The following GOLGA4 variants were observed in gnomAD, a reference collection of about 807,000 sequenced individuals.
The protein encoded by GOLGA4 is golgin A4.
A neutral mutation model predicts 265.9 loss-of-function variants in GOLGA4; 169 were observed. The observed-to-expected ratio is 0.64, with a 90% confidence interval of 0.56 to 0.72. The LOEUF is 0.72. GOLGA4 is among the 30% of genes least tolerant of loss of function. The pLI is 0.00. For missense variants in GOLGA4, 2,482 were observed against 2,483.4 expected, an observed-to-expected ratio of 1.00 and a Z score of 0.01; for synonymous variants, 923 against 855.8, an observed-to-expected ratio of 1.08 and a Z score of -1.37.
At chr3:37,358,379 T>G (rs2097095900) in intron 22 of GOLGA4, among the ~76,000 whole-genome samples, 1 of 152,200 alleles carries the variant, frequency 6.6e-6, no homozygotes, top group African/African-American at 2.4e-5. Context: ...ATACAAGTTA[T>G]TACTGTTTTC....
Position 37,335,093 on chromosome 3 carries a change from A to C in GOLGA4, c.6233A>C (p.Gln2078Pro). 1 of 1,609,704 alleles carries C rather than the reference A, an allele frequency of 6.2e-7. No individual in the cohort carries two copies. Among genetic ancestry groups the C allele is most frequent in the Non-Finnish European group, 8.5e-7 (1 of 1,177,158 alleles). The change falls in exon 17 of 24, where the codon CAG (glutamine) becomes CCG (proline). Residue 2078 changes from glutamine (Q) to proline (P), a missense_variant. Transcript: ENST00000361924. ...EEMTAKVRDL[Q>P]TQLEELQKKY... is the part of the protein sequence containing the mutation. The stretch of plus-strand genomic sequence containing the variant: ...ATGACTGCAAAAGTAAGGGACCTGC[A>C]GACTCAACTTGAGGAGCTGCAGAAG...
intron 20 of GOLGA4, among the ~76,000 whole-genome samples, chr3:37,341,411 A>G (rs2097033619): frequency 6.6e-6 from 1 of 152,176 alleles, no homozygotes. Flanking sequence ...ACCATTTGGC[A>G]TTCTCTTCTT....
At chr3:37,270,573 G>A (rs1216723789) in intron 2 of GOLGA4, among the ~76,000 whole-genome samples, 3 of 152,112 alleles carry the variant, frequency 2.0e-5, no homozygotes, top group Non-Finnish European at 4.4e-5. Flanking sequence ...ACTTAAAACA[G>A]AATATGGACT....
intron 5 of GOLGA4, among the ~76,000 whole-genome samples, chr3:37,292,250 T>C (rs972625208): frequency 5.3e-5 from 8 of 152,210 alleles, no homozygotes; most frequent in Non-Finnish European, 8.8e-5. Flanking sequence ...GGAAATTATT[T>C]GGAAGAAATG....
intron 2 of GOLGA4, among the ~76,000 whole-genome samples, chr3:37,260,296 C>A (rs779871020): frequency 6.6e-6 from 1 of 152,000 alleles, no homozygotes; most frequent in Non-Finnish European, 1.5e-5. Flanking sequence ...GTTCTACTAA[C>A]AGTTGTACTT....
At position 37,324,807 on chromosome 3, in the gene GOLGA4, T is replaced by C; in HGVS notation, c.2921T>C (p.Leu974Ser). 1 of 1,585,190 alleles carries C rather than the reference T, an allele frequency of 6.3e-7. No individual in the cohort carries two copies. Among genetic ancestry groups the C allele is most frequent in the Non-Finnish European group, 8.5e-7 (1 of 1,173,034 alleles). Reference protein sequence around the residue: ...KEMQETLKKKLLDQEAKLKKE... With the variant: ...KEMQETLKKKSLDQEAKLKKE... ...ATGCAAGAAACGTTAAAGAAAAAAT[T>C]ACTGGATCAGGAAGCCAAACTTAAG... is the stretch of plus-strand genomic sequence containing the variant. Residue 974 changes from leucine (L) to serine (S), a missense_variant, in exon 14 of 24, where the codon TTA becomes TCA. By Grantham distance (145) the Leu-to-Ser change is moderately radical. This residue lies in a region of GOLGA4 where 1,536 missense variants were observed against 1,483.7 expected (regional missense o/e 1.04). Coordinates refer to ENST00000361924, the MANE Select transcript of GOLGA4 (RefSeq NM_002078.5).
At chr3:37,355,545 G>A (rs886646803) in intron 22 of GOLGA4, among the ~76,000 whole-genome samples, 1 of 152,020 alleles carries the variant, frequency 6.6e-6, no homozygotes, top group South Asian at 2.1e-4. Flanking sequence ...CATGTTAGAT[G>A]ATTTATATAT....
At chr3:37,311,057 A>C (rs1403119448) in intron 10 of GOLGA4, among the ~76,000 whole-genome samples, 1 of 152,116 alleles carries the variant, frequency 6.6e-6, no homozygotes, top group Non-Finnish European at 1.5e-5. Context: ...CACTTTTAGA[A>C]TATTAGTAGG....
At chr3:37,289,425 CAGGGGTCAGTTCTTGA>C (rs2096859173) in intron 5 of GOLGA4, 134 bp downstream of exon 5, 2 of 550,462 alleles carry the variant, frequency 3.6e-6, no homozygotes, top group Non-Finnish European at 6.5e-6. Flanking sequence ...CCTACAAGAC[CAGGGGTCAGTTCTTGA>C]AGTTTTTATT....
chr3:37,260,455 A>G (rs2096766510), intron 2 of GOLGA4, among the ~76,000 whole-genome samples: 1 of 151,562 alleles, frequency 6.6e-6, no homozygotes. Context: ...AACCCACCCC[A>G]CCCCCGCTGT....
intron 5 of GOLGA4, among the ~76,000 whole-genome samples, chr3:37,291,790 C>G (rs2096865320): frequency 6.6e-6 from 1 of 152,110 alleles, no homozygotes; most frequent in African/African-American, 2.4e-5. Context: ...ATTTAACTTT[C>G]CTGCCTAAAT....
chr3:37,279,525 G>T (rs912194943), intron 2 of GOLGA4, among the ~76,000 whole-genome samples: 1 of 152,188 alleles, frequency 6.6e-6, no homozygotes, highest in Admixed American at 6.5e-5. Context: ...GATGCTCCAC[G>T]TGGGGCCAAG....
chr3:37,282,334 A>G, intron 3 of GOLGA4, 62 bp downstream of exon 3: 1 of 1,188,930 alleles, frequency 8.4e-7, no homozygotes. Context: ...CATTCATATT[A>G]CTGTATTGCT....
intron 20 of GOLGA4, among the ~76,000 whole-genome samples, chr3:37,345,529 C>T (rs893511336): frequency 6.6e-6 from 1 of 152,294 alleles, no homozygotes; most frequent in Non-Finnish European, 1.5e-5. Context: ...AACGAGTAGA[C>T]AATTTGGAAA....
At chr3:37,247,891 C>G (rs534855422) in intron 1 of GOLGA4, among the ~76,000 whole-genome samples, 127 of 152,290 alleles carry the variant, frequency 8.3e-4, no homozygotes, top group Middle Eastern at 3.4e-3. Flanking sequence ...TCTTTCAGGA[C>G]AGCAGAAGTA....
chr3:37,366,200 A>T lies in GOLGA4; in HGVS notation c.*154A>T. ...CATTCAGGGCCCCTCATGTAGCCAAAAGACCAAGAAAAATCTGGCCCACAG... is the reference window on the plus strand; with the variant it reads ...CATTCAGGGCCCCTCATGTAGCCAATAGACCAAGAAAAATCTGGCCCACAG... On this transcript the variant is annotated 3_prime_UTR_variant, in exon 24 of 24. Coordinates refer to ENST00000361924, the MANE Select transcript of GOLGA4 (RefSeq NM_002078.5). 8 of 926,286 alleles carry T rather than the reference A, an allele frequency of 8.6e-6. No individual in the cohort carries two copies. The highest frequency in any genetic ancestry group is 1.2e-5 in the Non-Finnish European group (8 of 648,618). The allele number at this position is 926,286 out of a possible 1,614,324, so 57.4% of individuals were successfully genotyped here.
chr3:37,343,449 T>G (rs930947469), intron 20 of GOLGA4, among the ~76,000 whole-genome samples: 1 of 150,792 alleles, frequency 6.6e-6, no homozygotes, highest in Non-Finnish European at 1.5e-5. Context: ...ACTCCTGAAC[T>G]CAGGTATCTG....
chr3:37,292,483 C>T (rs1471763180), intron 5 of GOLGA4, among the ~76,000 whole-genome samples: 7 of 152,068 alleles, frequency 4.6e-5, no homozygotes, highest in South Asian at 2.1e-4. Flanking sequence ...GTCAAGAGAT[C>T]GAGACCATCC....
At chr3:37,336,012 A>T (rs1433062768) in intron 17 of GOLGA4, among the ~76,000 whole-genome samples, 1 of 152,180 alleles carries the variant, frequency 6.6e-6, no homozygotes, top group Non-Finnish European at 1.5e-5. Context: ...TCGTTACAGA[A>T]TGTCAGTTAC....
Sources: gnomAD v4.1 joint callset for allele counts (sites outside exome capture counted in the v4.1 genomes callset) on GRCh38, gnomAD v4.1.1 for gene constraint, gnomAD v4.1.1 regional missense constraint, MANE v1.5 for transcripts, NCBI Gene and HGNC (gene_info 2026-07-23, HGNC 2026-07-21) for gene names.